JMJD1C: variants seen among roughly 807,000 people sequenced by gnomAD.
The protein encoded by JMJD1C is jumonji domain containing 1C, also known as jumonji domain-containing protein 1C.
JMJD1C carries 31 observed loss-of-function variants against 245.3 expected under a neutral mutation model. The ratio of observed to expected loss-of-function variants is 0.13; its 90% CI spans 0.09 to 0.17. The LOEUF (loss-of-function observed/expected upper bound fraction) is 0.17. Ranked by LOEUF, JMJD1C falls within the 10% of genes least tolerant of loss-of-function variation. JMJD1C has a pLI of 1.00. For synonymous variants in JMJD1C, 1,057 were observed against 1,017.4 expected, an observed-to-expected ratio of 1.04 and a Z score of -0.74; for missense variants, 2,691 against 3,000.2, an observed-to-expected ratio of 0.90 and a Z score of 2.41.
Position 63,198,683 on chromosome 10 carries a change from G to A in JMJD1C, c.5321C>T (p.Ser1774Phe). 6.2e-7 allele frequency: 1 copy of A among 1,612,158 alleles called. No individual in the cohort carries two copies. The highest frequency in any genetic ancestry group is 1.1e-5 in the South Asian group (1 of 90,940). Reference protein sequence around the residue: ...KNGVVRIDGFSSPDQYDDEAM... With the variant: ...KNGVVRIDGFFSPDQYDDEAM... The stretch of plus-strand genomic sequence containing the variant: ...TTCATCATCATATTGGTCAGGAGAA[G>A]AGAAACCATCTATTCTAACTACTCC... Residue 1774 changes from serine to phenylalanine, a missense_variant, in exon 12 of 26, where the codon TCT (serine) becomes TTT (phenylalanine). Around this residue, in one of 9 missense-constraint regions of JMJD1C, gnomAD observed 139 missense variants for 270.5 expected, o/e 0.51. Transcript: ENST00000399262.
At chr10:63,444,502 G>A (rs1420483831) in intron 1 of JMJD1C, among the ~76,000 whole-genome samples, 1 of 152,076 alleles carries the variant, frequency 6.6e-6, no homozygotes, top group Non-Finnish European at 1.5e-5. Flanking sequence ...CTGAACTCCT[G>A]AACTCAAGTG....
At chr10:63,284,899 A>G (rs956519842) in intron 2 of JMJD1C, among the ~76,000 whole-genome samples, 2 of 112,390 alleles carry the variant, frequency 1.8e-5, no homozygotes, top group Non-Finnish European at 3.9e-5. Flanking sequence ...ACACACACAC[A>G]CACACACATT....
chr10:63,518,517 T>C (rs987862356), intron 1 of JMJD1C, among the ~76,000 whole-genome samples: 1 of 152,238 alleles, frequency 6.6e-6, no homozygotes, highest in Admixed American at 6.5e-5. Context: ...CTGTTTGTGA[T>C]ACAATTTTCC....
intron 3 of JMJD1C, among the ~76,000 whole-genome samples, chr10:63,234,744 GAAA>G (rs1850511466): frequency 6.9e-6 from 1 of 145,170 alleles, no homozygotes; most frequent in Admixed American, 7.4e-5. Flanking sequence ...ACTAACCTAG[GAAA>G]CATAGTGAGA....
intron 1 of JMJD1C, among the ~76,000 whole-genome samples, chr10:63,434,543 A>C (rs977613284): frequency 6.6e-6 from 1 of 152,008 alleles, no homozygotes; most frequent in Admixed American, 6.6e-5. Context: ...CGAGAGAGGA[A>C]GATTTCCAGA....
intron 2 of JMJD1C, among the ~76,000 whole-genome samples, chr10:63,277,869 T>G (rs1856974113): frequency 6.7e-6 from 1 of 150,352 alleles, no homozygotes; most frequent in Non-Finnish European, 1.5e-5. Flanking sequence ...CCCGAGTAGC[T>G]GGGATTACAG....
At chr10:63,520,110 T>C (rs1955161418) in intron 1 of JMJD1C, among the ~76,000 whole-genome samples, 1 of 152,234 alleles carries the variant, frequency 6.6e-6, no homozygotes, top group Non-Finnish European at 1.5e-5. Flanking sequence ...AGCTTGTTTC[T>C]TAAATAATGA....
intron 1 of JMJD1C, among the ~76,000 whole-genome samples, chr10:63,486,370 C>A (rs1451719040): frequency 1.3e-5 from 2 of 151,968 alleles, no homozygotes; most frequent in African/African-American, 4.8e-5. Flanking sequence ...TGGTAAAAAG[C>A]ACTTTGTGAA....
chr10:63,412,568 C>T (rs10761756), intron 1 of JMJD1C, among the ~76,000 whole-genome samples: 63,579 of 151,966 alleles, frequency 0.42, 14,046 homozygotes, highest in South Asian at 0.53. Context: ...TGGCTAAAAA[C>T]CTATCACAGC....
intron 1 of JMJD1C, among the ~76,000 whole-genome samples, chr10:63,448,154 T>A (rs2616631): frequency 0.14 from 21,171 of 152,166 alleles, 2,108 homozygotes; most frequent in Admixed American, 0.29. Context: ...CATTTTATTT[T>A]ATTTTAATTT....
Position 63,380,416 on chromosome 10 carries a change from A to C in JMJD1C, c.235T>G (p.Ser79Ala). ...REWVKVYEDFSTFLVEYHLIW... is the reference protein window; with the variant it reads ...REWVKVYEDFATFLVEYHLIW... The stretch of plus-strand genomic sequence containing the variant: ...AAGTGGTATTCCACCAAGAAAGTTG[A>C]AAAATCTTCATAAACTTTAACCCAC... The change falls in exon 2 of 26, where the codon TCA (serine) becomes GCA (alanine). Residue 79 changes from serine to alanine, a missense_variant. Physicochemically the swap from Ser to Ala is moderately conservative, Grantham distance 99 (BLOSUM62 1). Coordinates refer to ENST00000399262, the MANE Select transcript of JMJD1C (RefSeq NM_032776.3). The C allele has an allele frequency of 6.2e-7, 1 of 1,614,062 alleles. No individual in the cohort carries two copies. Among genetic ancestry groups the C allele is most frequent in the Non-Finnish European group, 8.5e-7 (1 of 1,179,924 alleles).
intron 2 of JMJD1C, among the ~76,000 whole-genome samples, chr10:63,349,185 TC>T (rs1944124843): frequency 7.4e-6 from 1 of 134,568 alleles, no homozygotes; most frequent in African/African-American, 2.9e-5. Context: ...AAAAGGAAGC[TC>T]CCCAAAGCCC....
Position 63,208,774 on chromosome 10 carries a change from T to A in JMJD1C, c.2895A>T (p.Glu965Asp), listed in dbSNP as rs189118006. The A allele has an allele frequency of 1.2e-4, 188 of 1,591,092 alleles. No individual in the cohort carries two copies. The African/African-American group carries it at 2.3e-3, about 19-fold the overall frequency. Reference sequence around the variant, plus strand: ...ATGTGGATGCAACAGACCGTAATGGTTCCATAAAAGCTTTTCTTTCTAATT... The same window carrying A: ...ATGTGGATGCAACAGACCGTAATGGATCCATAAAAGCTTTTCTTTCTAATT... ...KEELERKAFM[E>D]PLRSVASTSA... Residue 965 changes from glutamate to aspartate, a missense_variant, in exon 10 of 26, where the codon GAA becomes GAT. Around this residue, in one of 9 missense-constraint regions of JMJD1C, gnomAD observed 1,562 missense variants for 1,490.7 expected, o/e 1.05. Coordinates refer to ENST00000399262, the MANE Select transcript of JMJD1C (RefSeq NM_032776.3).
intron 1 of JMJD1C, among the ~76,000 whole-genome samples, chr10:63,402,550 T>C (rs896821426): frequency 6.6e-6 from 1 of 152,182 alleles, no homozygotes; most frequent in East Asian, 1.9e-4. Flanking sequence ...CATGCCACTT[T>C]GGGATAGAAA....
intron 1 of JMJD1C, among the ~76,000 whole-genome samples, chr10:63,386,089 C>CACAG (rs572531298): frequency 3.1e-4 from 47 of 151,130 alleles, no homozygotes; most frequent in Non-Finnish European, 6.3e-4. Flanking sequence ...TACACACATA[C>CACAG]ACAGACACAC....
At chr10:63,367,877 T>C (rs1021516445) in intron 2 of JMJD1C, among the ~76,000 whole-genome samples, 5 of 152,228 alleles carry the variant, frequency 3.3e-5, no homozygotes, top group African/African-American at 1.2e-4. Flanking sequence ...TGTCTGAATG[T>C]ACTTTATGTA....
intron 1 of JMJD1C, among the ~76,000 whole-genome samples, chr10:63,507,657 A>AAAAAAAAAAAAAAAAAAAAAC (rs1187173031): frequency 1.3e-5 from 2 of 150,056 alleles, no homozygotes; most frequent in African/African-American, 4.9e-5. Context: ...AAAAAAAAAA[A>AAAAAAAAAAAAAAAAAAAAAC]AAAAAACAGT....
At chr10:63,463,676 G>C (rs1211763327) in intron 1 of JMJD1C, among the ~76,000 whole-genome samples, 1 of 151,980 alleles carries the variant, frequency 6.6e-6, no homozygotes, top group Admixed American at 6.6e-5. Flanking sequence ...AACTCATCAA[G>C]GGTTCACATA....
At chr10:63,505,617 T>C (rs949804443) in intron 1 of JMJD1C, among the ~76,000 whole-genome samples, 29 of 152,052 alleles carry the variant, frequency 1.9e-4, no homozygotes, top group Admixed American at 7.9e-4. Context: ...AAAAAATTAC[T>C]GGGTCCTACC....
Sources: gnomAD v4.1 joint callset for allele counts (sites outside exome capture counted in the v4.1 genomes callset) on GRCh38, gnomAD v4.1.1 for gene constraint, gnomAD v4.1.1 regional missense constraint, MANE v1.5 for transcripts, NCBI Gene and HGNC (gene_info 2026-07-23, HGNC 2026-07-21) for gene names.